TP63: variants seen among roughly 807,000 people sequenced by gnomAD.
TP63 encodes tumor protein 63.
In TP63, 17 loss-of-function variants were observed where a neutral mutation model predicts 82.8. That is an observed-to-expected ratio of 0.21 (90% CI 0.14 to 0.31). TP63 has a LOEUF of 0.31. Among genes scored for constraint, TP63 ranks in the 10% least tolerant of loss-of-function variants. The pLI is 1.00. For synonymous variants in TP63, 330 were observed against 321.7 expected (o/e 1.03, Z -0.28); for missense variants, 648 against 895.3 (o/e 0.72, Z 3.52).
intron 3 of TP63, among the ~76,000 whole-genome samples, chr3:189,799,030 T>G (rs2108614712): frequency 6.6e-6 from 1 of 152,248 alleles, no homozygotes; most frequent in South Asian, 2.1e-4. Context: ...TTAGAACTCA[T>G]GAAACAGTGT....
chr3:189,821,724 A>G, intron 4 of TP63, among the ~76,000 whole-genome samples: 1 of 152,228 alleles, frequency 6.6e-6, no homozygotes, highest in East Asian at 1.9e-4. Context: ...TTAATTTGAC[A>G]TTGGAATTTA....
chr3:189,677,172 G>C (rs76284627), intron 1 of TP63, among the ~76,000 whole-genome samples: 6,584 of 150,968 alleles, frequency 0.044, 231 homozygotes, highest in East Asian at 0.21. Flanking sequence ...TCTTTTTATG[G>C]TTGAATAGTA....
chr3:189,733,158 A>T (rs947339595), intron 1 of TP63, among the ~76,000 whole-genome samples: 1 of 152,206 alleles, frequency 6.6e-6, no homozygotes, highest in South Asian at 2.1e-4. Context: ...GGATAAAAGC[A>T]AAACAAAAAA....
intron 7 of TP63, 152 bp downstream of exon 7, chr3:189,868,094 G>T (rs1201406338): frequency 1.3e-6 from 1 of 747,678 alleles, no homozygotes; most frequent in South Asian, 1.5e-5. Flanking sequence ...TTACATAAAA[G>T]ATCTAAGAAA....
At chr3:189,637,311 C>G (rs1729845403) in intron 1 of TP63, among the ~76,000 whole-genome samples, 1 of 152,084 alleles carries the variant, frequency 6.6e-6, no homozygotes, top group African/African-American at 2.4e-5. Context: ...TTTTCATGAC[C>G]TGCTGTATTG....
At chr3:189,765,972 T>G (rs1435647575) in intron 3 of TP63, among the ~76,000 whole-genome samples, 2 of 152,210 alleles carry the variant, frequency 1.3e-5, no homozygotes, top group East Asian at 3.9e-4. Context: ...CTGAATTCTA[T>G]GTTGCTAGGA....
intron 4 of TP63, among the ~76,000 whole-genome samples, chr3:189,825,116 G>A (rs1193219759): frequency 6.6e-6 from 1 of 152,208 alleles, no homozygotes; most frequent in African/African-American, 2.4e-5. Flanking sequence ...GATGTAGCTT[G>A]CAGGAGAACA....
At chr3:189,704,063 A>G (rs1718021067) in intron 1 of TP63, among the ~76,000 whole-genome samples, 1 of 152,264 alleles carries the variant, frequency 6.6e-6, no homozygotes, top group Non-Finnish European at 1.5e-5. Context: ...CATTTGGACA[A>G]CTAGGCCATA....
At chr3:189,642,146 G>C (rs142587818) in intron 1 of TP63, among the ~76,000 whole-genome samples, 75 of 152,208 alleles carry the variant, frequency 4.9e-4, no homozygotes, top group African/African-American at 1.7e-3. Flanking sequence ...GCTTTGAATA[G>C]TATTATTTTT....
chr3:189,815,481 G>C (rs1728083539), intron 4 of TP63, among the ~76,000 whole-genome samples: 1 of 152,074 alleles, frequency 6.6e-6, no homozygotes, highest in South Asian at 2.1e-4. Flanking sequence ...ACAGGGGAAA[G>C]TAGACCTAGT....
At chr3:189,844,173 CT>C (rs199967815) in intron 4 of TP63, 79,349 of 322,136 alleles carry the variant, frequency 0.25, 4,733 homozygotes, top group Admixed American at 0.36. Flanking sequence ...TTTCCTTTTT[CT>C]TTTTTTTTTT....
In TP63 at chr3:189,895,151, T is replaced by C. The variant is rs1465423386; in HGVS notation, c.*649T>C. 1 of 220,972 alleles carries C rather than the reference T, an allele frequency of 4.5e-6. No homozygotes were observed. The highest frequency in any genetic ancestry group is 9.1e-6 in the Non-Finnish European group (1 of 110,306). The allele number at this position is 220,972 out of a possible 1,614,324, so 13.7% of individuals were successfully genotyped here. On this transcript the variant is annotated 3_prime_UTR_variant, in exon 14 of 14. Coordinates refer to ENST00000264731, the MANE Select transcript of TP63 (RefSeq NM_003722.5). ...TTATGTAGGTAAGACTGTAGATATG[T>C]ATTCTTTTCTCAGTGTTGGTATATT...
At chr3:189,853,781 A>G (rs995655065) in intron 4 of TP63, among the ~76,000 whole-genome samples, 6 of 152,204 alleles carry the variant, frequency 3.9e-5, no homozygotes, top group African/African-American at 1.4e-4. Flanking sequence ...TGAATTTCCA[A>G]AACTAAAACA....
chr3:189,783,887 C>T (rs965795500), intron 3 of TP63, among the ~76,000 whole-genome samples: 13 of 151,666 alleles, frequency 8.6e-5, no homozygotes, highest in Non-Finnish European at 1.6e-4. Flanking sequence ...ATATTATATC[C>T]ATGAAGTGAC....
intron 4 of TP63, among the ~76,000 whole-genome samples, chr3:189,815,594 A>G (rs1016835154): frequency 9.9e-5 from 15 of 152,156 alleles, no homozygotes; most frequent in African/African-American, 1.4e-4. Context: ...TAATATCTTC[A>G]TATCTTAAAA....
chr3:189,803,968 T>C (rs2108626448), intron 3 of TP63, among the ~76,000 whole-genome samples: 1 of 152,284 alleles, frequency 6.6e-6, no homozygotes, highest in Admixed American at 6.5e-5. Context: ...GCAGGGTATG[T>C]TAAGGTTATT....
chr3:189,749,190 T>C (rs1453489391), intron 3 of TP63, among the ~76,000 whole-genome samples: 16 of 151,144 alleles, frequency 1.1e-4, no homozygotes. Context: ...AAACTAAAAA[T>C]GGGGCTATTA....
At chr3:189,689,104 C>CTTTTT (rs776704674) in intron 1 of TP63, among the ~76,000 whole-genome samples, 5 of 68,266 alleles carry the variant, frequency 7.3e-5, no homozygotes, top group Admixed American at 2.1e-4. Flanking sequence ...CTACCTTTTT[C>CTTTTT]TTTTTTTTTT....
chr3:189,637,344 G>A (rs962837247), intron 1 of TP63, among the ~76,000 whole-genome samples: 3 of 151,952 alleles, frequency 2.0e-5, no homozygotes, highest in South Asian at 2.1e-4. Context: ...ATTATATTAC[G>A]TGTATAGTGT....
Sources: allele counts gnomAD v4.1 joint callset (sites outside exome capture counted in the v4.1 genomes callset), GRCh38; gene constraint gnomAD v4.1.1; transcripts MANE v1.5; gene names NCBI Gene and HGNC (gene_info 2026-07-23, HGNC 2026-07-21).